The following IPO8 variants were observed in gnomAD, a reference collection of about 807,000 sequenced individuals.
IPO8 encodes the protein importin-8.
Under a neutral mutation model 141.2 loss-of-function variants are expected in IPO8, and 65 were observed. The observed-to-expected ratio is 0.46, with a 90% CI of 0.38 to 0.57. IPO8 has a LOEUF of 0.57. IPO8 is among the 20% of genes least tolerant of loss of function. The pLI, the probability that IPO8 is intolerant of heterozygous loss-of-function variation, is 0.00. For missense variants in IPO8, 980 were observed against 1,246.8 expected (o/e 0.79, Z 3.22); for synonymous variants, 411 against 420.3 (o/e 0.98, Z 0.27).
At chr12:30,661,335 CA>C in intron 15 of IPO8, 69 bp from the exon 16 acceptor site, 1 of 1,407,364 alleles carries the variant, frequency 7.1e-7, no homozygotes, top group Non-Finnish European at 9.4e-7. Context: ...CAAAAGTTAG[CA>C]AAATGGCAGT....
intron 24 of IPO8, chr12:30,631,633 T>C (rs1305329955): frequency 6.8e-6 from 2 of 295,426 alleles, no homozygotes; most frequent in East Asian, 1.4e-4. Flanking sequence ...AACCCTTACT[T>C]TGTACCTTTG....
chr12:30,665,280 C>G lies in IPO8; in HGVS notation c.1368G>C (p.Leu456=). ...ATGGAAATACATGATTTTGTAGAAA[C>G]AGCTCCATTTGGTCCTTGAATAAAC... is the stretch of plus-strand genomic sequence containing the variant. ...KKSLFKDQME[L]FLQNHVFPLL... The change falls in exon 13 of 25, where the codon CTG becomes CTC. Residue 456 remains leucine, a synonymous_variant. Coordinates refer to ENST00000256079, the MANE Select transcript of IPO8 (RefSeq NM_006390.4). 1.3e-6 allele frequency: 2 copies of G among 1,597,724 alleles called. No individual in the cohort carries two copies. The highest frequency in any genetic ancestry group is 1.7e-6 in the Non-Finnish European group (2 of 1,168,594).
chr12:30,652,339 T>C lies in IPO8; in HGVS notation c.2075-50A>G, dbSNP rs749155727. The C allele has an allele frequency of 6.5e-6, 7 of 1,073,278 alleles. No individual in the cohort carries two copies. The South Asian group carries it at 7.7e-5, about 12-fold the overall frequency. 66.5% of individuals were successfully genotyped at this position (1,073,278 alleles called of 1,614,324 possible). A position where few individuals can be genotyped will look rare whatever the true frequency, so the allele number is the denominator to read the frequency against. ...GAGACTTGAGTGACAGAAATAGAAA[T>C]AAATTATTCCCACTGAAACCATATT... is the stretch of plus-strand genomic sequence containing the variant. On this transcript the variant is annotated intron_variant, in intron 18 of 24. Coordinates refer to ENST00000256079, the MANE Select transcript of IPO8 (RefSeq NM_006390.4).
At chr12:30,685,086 G>A (rs983440481) in intron 2 of IPO8, among the ~76,000 whole-genome samples, 2 of 151,410 alleles carry the variant, frequency 1.3e-5, no homozygotes, top group African/African-American at 4.8e-5. Context: ...GCTTCTGAAA[G>A]AAACAGGCTG....
chr12:30,692,752 T>C (rs2053302752), intron 1 of IPO8, among the ~76,000 whole-genome samples: 1 of 152,116 alleles, frequency 6.6e-6, no homozygotes, highest in African/African-American at 2.4e-5. Flanking sequence ...GCACGCCAAG[T>C]TGAGGGCCTT....
rs755088143 is a variant in IPO8, at chr12:30,674,121, C to A, written c.825-47G>T. 12 of 1,180,644 alleles carry A rather than the reference C, an allele frequency of 1.0e-5. No individual in the cohort carries two copies. In the South Asian group the frequency reaches 1.6e-4, roughly 16 times the overall value. The allele number at this position is 1,180,644 out of a possible 1,614,324, so 73.1% of individuals were successfully genotyped here. A position where few individuals can be genotyped will look rare whatever the true frequency, so the allele number is the denominator to read the frequency against. On this transcript the variant is annotated intron_variant, in intron 7 of 24. Coordinates refer to ENST00000256079, the MANE Select transcript of IPO8 (RefSeq NM_006390.4). Reference sequence around the variant, plus strand: ...GTACAAATACCGTGAATTTTACAAACAGCATGCTTGCTAATAATTTAAATA... The same window carrying A: ...GTACAAATACCGTGAATTTTACAAAAAGCATGCTTGCTAATAATTTAAATA...
chr12:30,674,775 G>A (rs373440421), intron 6 of IPO8, 22 bp from the exon 7 acceptor site: 1 of 1,472,102 alleles, frequency 6.8e-7, no homozygotes, highest in Non-Finnish European at 9.5e-7. Flanking sequence ...AAATTACCCA[G>A]ATTAAAGTTC....
At chr12:30,641,300 T>C (rs192195056) in intron 20 of IPO8, among the ~76,000 whole-genome samples, 16 of 152,264 alleles carry the variant, frequency 1.1e-4, no homozygotes, top group Non-Finnish European at 1.6e-4. Context: ...AAGGAGAGAA[T>C]ATCTATTTTT....
chr12:30,656,437 G>A (rs2052801324), intron 17 of IPO8, among the ~76,000 whole-genome samples: 1 of 152,076 alleles, frequency 6.6e-6, no homozygotes, highest in South Asian at 2.1e-4. Flanking sequence ...TTCTAGCAAT[G>A]TACAATTTAA....
rs2136144177 is a variant in IPO8 at position 30,656,699 on chromosome 12, G to A, written c.1933C>T (p.Gln645Ter). ...ICLRIIDLVL[Q>*]KHVIEFYEEI... is the part of the protein sequence containing the mutation. ...TTGAACTTACCAATTACATGTTTCT[G>A]CAGAACAAGATCAATGATCCGTAGA... The change falls in exon 17 of 25, where the codon CAG becomes TAG. Residue 645 changes from glutamine to a stop codon, truncating the protein, a stop_gained. Coordinates refer to ENST00000256079, the MANE Select transcript of IPO8 (RefSeq NM_006390.4). LOFTEE classifies it high-confidence loss of function. 1 of 1,555,966 alleles carries A rather than the reference G, an allele frequency of 6.4e-7. No homozygotes were observed. The highest frequency in any genetic ancestry group is 8.7e-7 in the Non-Finnish European group (1 of 1,144,734).
chr12:30,656,605 T>A, intron 17 of IPO8, 79 bp downstream of exon 17: 1 of 756,164 alleles, frequency 1.3e-6, no homozygotes, highest in Non-Finnish European at 2.1e-6. Context: ...TTGTTAAATC[T>A]GAAGGGCTAA....
chr12:30,634,033 AAG>A, intron 23 of IPO8, 48 bp downstream of exon 23: 1 of 1,509,384 alleles, frequency 6.6e-7, no homozygotes, highest in Non-Finnish European at 9.1e-7. Flanking sequence ...GAAATGAAGA[AAG>A]AGTTTAGAAA....
intron 20 of IPO8, among the ~76,000 whole-genome samples, chr12:30,642,603 A>T (rs1249734639): frequency 2.6e-5 from 4 of 151,498 alleles, no homozygotes; most frequent in African/African-American, 9.7e-5. Flanking sequence ...GTATATATGT[A>T]GCTAATTATC....
At chr12:30,633,212 A>C (rs1310765378) in intron 23 of IPO8, among the ~76,000 whole-genome samples, 3 of 152,234 alleles carry the variant, frequency 2.0e-5, no homozygotes, top group Non-Finnish European at 4.4e-5. Flanking sequence ...AACACTAAAA[A>C]ATGCCAATAT....
At chr12:30,663,874 T>C (rs765400794) in intron 13 of IPO8, among the ~76,000 whole-genome samples, 3 of 152,196 alleles carry the variant, frequency 2.0e-5, no homozygotes, top group Non-Finnish European at 4.4e-5. Context: ...ACATTTTTCA[T>C]AGGAAAGAGA....
At chr12:30,640,574 T>C (rs985019036) in intron 20 of IPO8, among the ~76,000 whole-genome samples, 1 of 152,156 alleles carries the variant, frequency 6.6e-6, no homozygotes, top group African/African-American at 2.4e-5. Context: ...CTAGTTTAAC[T>C]CTACGTCTAC....
In IPO8 at chr12:30,695,504, C is replaced by T; in HGVS notation, c.84+60G>A. 6.7e-7 allele frequency: 1 copy of T among 1,498,894 alleles called. No individual in the cohort carries two copies. The highest frequency in any genetic ancestry group is 9.3e-7 in the Non-Finnish European group (1 of 1,079,562). The allele number at this position is 1,498,894 out of a possible 1,614,324, so 92.8% of individuals were successfully genotyped here. A position where few individuals can be genotyped will look rare whatever the true frequency, so the allele number is the denominator to read the frequency against. The stretch of plus-strand genomic sequence containing the variant: ...CGAGGGGCGCCGGGGAGAGGGAGCC[C>T]GGCCAGCCGGCAGGGGCGCCCCTTC... On this transcript the variant is annotated intron_variant, in intron 1 of 24. Transcript: ENST00000256079. This position sits in a 1 kb window ranked among gnomAD's most constrained non-coding sequence, Gnocchi z 4.2.
intron 8 of IPO8, among the ~76,000 whole-genome samples, chr12:30,673,048 C>T (rs377025307): frequency 2.6e-5 from 4 of 152,186 alleles, no homozygotes; most frequent in East Asian, 3.9e-4. Context: ...CTTGAGATCA[C>T]GAGTTCAAGA....
intron 8 of IPO8, among the ~76,000 whole-genome samples, chr12:30,671,790 T>C (rs7978936): frequency 0.55 from 82,742 of 151,412 alleles, 23,208 homozygotes; most frequent in African/African-American, 0.67. Context: ...CATAAAGACT[T>C]CTTCAAATTA....
Sources: allele counts gnomAD v4.1 joint callset (sites outside exome capture counted in the v4.1 genomes callset), GRCh38; gene constraint gnomAD v4.1.1; non-coding constraint Gnocchi (gnomAD v3.1); transcripts MANE v1.5; gene names NCBI Gene and HGNC (gene_info 2026-07-23, HGNC 2026-07-21).